MCF2L: variants seen among roughly 807,000 people sequenced by gnomAD.
The protein encoded by MCF2L is MCF.2 cell line derived transforming sequence like, also known as guanine nucleotide exchange factor DBS.
In MCF2L, 97 loss-of-function variants were observed where a neutral mutation model predicts 153.4. The observed-to-expected ratio is 0.63, with a 90% CI of 0.54 to 0.75. The LOEUF (loss-of-function observed/expected upper bound fraction) is 0.75. Ranked by LOEUF, MCF2L falls within the 30% of genes least tolerant of loss-of-function variation. MCF2L has a pLI of 0.00. For synonymous variants in MCF2L, 659 were observed against 632.2 expected (o/e 1.04, Z -0.64); for missense variants, 1,347 against 1,495.2 (o/e 0.90, Z 1.64).
intron 1 of MCF2L, chr13:112,979,894 T>G: frequency 1.3e-6 from 1 of 762,414 alleles, no homozygotes; most frequent in East Asian, 2.8e-5. Flanking sequence ...GCTCGGAGAC[T>G]TCTTAAAAAG....
intron 4 of MCF2L, chr13:113,052,591 G>C (rs528520123): frequency 6.0e-6 from 1 of 166,438 alleles, no homozygotes; most frequent in Non-Finnish European, 1.5e-5. Flanking sequence ...AGGGAGGGGA[G>C]ATGCAGCTGC....
At chr13:112,902,312 A>C in exon 2 of MCF2L, 1 of 1,612,888 alleles carries the variant, frequency 6.2e-7, no homozygotes, top group Non-Finnish European at 8.5e-7. Flanking sequence ...CACCAAATTG[A>C]TGTGTCTGAC....
At chr13:113,075,847 C>T (rs2033415879) in intron 11 of MCF2L, 119 bp from the exon 12 acceptor site, 3 of 753,576 alleles carry the variant, frequency 4.0e-6, no homozygotes, top group African/African-American at 3.6e-5. Flanking sequence ...GTGGCGGGAG[C>T]ACGAGGAGTC....
At chr13:113,002,887 G>A (rs2083460167) in intron 1 of MCF2L, among the ~76,000 whole-genome samples, 1 of 152,082 alleles carries the variant, frequency 6.6e-6, no homozygotes, top group African/African-American at 2.4e-5. Flanking sequence ...GTAAAGAACT[G>A]GCTGGGTACA....
intron 3 of MCF2L, among the ~76,000 whole-genome samples, chr13:113,025,225 T>A (rs375362064): frequency 6.5e-5 from 6 of 92,014 alleles, no homozygotes; most frequent in African/African-American, 8.4e-5. Context: ...TGACTGTGGG[T>A]CGGGGCAGAG....
At chr13:112,992,522 G>A (rs1006627144) in intron 1 of MCF2L, among the ~76,000 whole-genome samples, 2 of 152,230 alleles carry the variant, frequency 1.3e-5, no homozygotes, top group Admixed American at 1.3e-4. Context: ...TGCGTCTGTG[G>A]TGGCCACGTC....
At chr13:113,002,912 T>C (rs1325282028) in intron 1 of MCF2L, among the ~76,000 whole-genome samples, 2 of 151,980 alleles carry the variant, frequency 1.3e-5, no homozygotes, top group Admixed American at 6.5e-5. Context: ...TTCACGCCTG[T>C]AATCCCAGCA....
chr13:113,058,224 C>T (rs28552955), intron 4 of MCF2L, among the ~76,000 whole-genome samples: 51,491 of 134,372 alleles, frequency 0.38, 9,011 homozygotes, highest in Middle Eastern at 0.54. Context: ...TGTGTTTGGG[C>T]GCTGAGTGTT....
chr13:113,088,486 T>A, intron 24 of MCF2L, 76 bp from the exon 25 acceptor site: 1 of 1,605,198 alleles, frequency 6.2e-7, no homozygotes, highest in Non-Finnish European at 8.5e-7. Context: ...AACCGCACAG[T>A]CCCCCCATGC....
chr13:112,911,029 T>G (rs1211309813), intron 2 of MCF2L, among the ~76,000 whole-genome samples: 1 of 152,066 alleles, frequency 6.6e-6, no homozygotes, highest in Admixed American at 6.5e-5. Context: ...GGGGTGGGGC[T>G]GACTCTCTCG....
chr13:112,967,755 G>T (rs181229513), upstream of MCF2L: 537 of 152,772 alleles, frequency 3.5e-3, 4 homozygotes, highest in Admixed American at 7.1e-3. Flanking sequence ...GAATGCTGGT[G>T]CATTGTTGCC....
intron 2 of MCF2L, among the ~76,000 whole-genome samples, chr13:112,913,376 C>T (rs974391528): frequency 3.3e-5 from 5 of 152,062 alleles, no homozygotes; most frequent in African/African-American, 1.2e-4. Flanking sequence ...TTATCACTCA[C>T]CTCACCTGGC....
At chr13:113,073,228 C>A (rs2033098542) in intron 9 of MCF2L, among the ~76,000 whole-genome samples, 1 of 152,142 alleles carries the variant, frequency 6.6e-6, no homozygotes, top group African/African-American at 2.4e-5. Flanking sequence ...ATTTGTTTTG[C>A]AGCCCAAGAA....
At position 113,096,554 on chromosome 13, in the gene MCF2L, G is replaced by T; in HGVS notation, c.3193G>T (p.Val1065Phe). 1 of 1,604,150 alleles carries T rather than the reference G, an allele frequency of 6.2e-7. No individual in the cohort carries two copies. The highest frequency in any genetic ancestry group is 8.5e-7 in the Non-Finnish European group (1 of 1,177,534). Residue 1065 changes from valine to phenylalanine, a missense_variant, in exon 29 of 30, where the codon GTC becomes TTC. Physicochemically the swap from Val to Phe is conservative, Grantham distance 50 (BLOSUM62 -1). Coordinates refer to ENST00000535094, the MANE Select transcript of MCF2L (RefSeq NM_001112732.3). The part of the protein sequence containing the change: ...VQEGDEGLWY[V>F]RDPTTGKEGW... ...GCTGACCCTCGCCCCTTGCAGGTAC[G>T]TCAGGGACCCGACCACTGGCAAGGA...
chr13:113,029,325 T>C (rs1033284354), intron 3 of MCF2L, among the ~76,000 whole-genome samples: 3 of 152,166 alleles, frequency 2.0e-5, no homozygotes, highest in African/African-American at 7.2e-5. Flanking sequence ...GGTGTTGCCA[T>C]TGAGCATGTC....
At chr13:113,029,696 C>G (rs538206676) in intron 3 of MCF2L, among the ~76,000 whole-genome samples, 2 of 152,320 alleles carry the variant, frequency 1.3e-5, no homozygotes, top group Non-Finnish European at 2.9e-5. Context: ...CATTGCGGCT[C>G]GGTCCCGGGA....
At chr13:113,026,727 A>G in intron 3 of MCF2L, 7 of 590,004 alleles carry the variant, frequency 1.2e-5, no homozygotes, top group East Asian at 2.8e-5. Context: ...TGCCCTTTCC[A>G]GGAAAGAACT....
chr13:112,900,181 A>G (rs1166433669), intron 1 of MCF2L, among the ~76,000 whole-genome samples: 1 of 152,260 alleles, frequency 6.6e-6, no homozygotes, highest in Non-Finnish European at 1.5e-5. Context: ...TTGTTTTTTT[A>G]ACCAGGGACA....
intron 2 of MCF2L, among the ~76,000 whole-genome samples, chr13:112,933,806 C>T (rs915984020): frequency 3.3e-5 from 5 of 152,186 alleles, no homozygotes; most frequent in Admixed American, 2.0e-4. Flanking sequence ...GTGTCCCTGA[C>T]GGCTCTGCCC....
Sources: allele counts gnomAD v4.1 joint callset (sites outside exome capture counted in the v4.1 genomes callset), GRCh38; gene constraint gnomAD v4.1.1; transcripts MANE v1.5; gene names NCBI Gene and HGNC (gene_info 2026-07-23, HGNC 2026-07-21).